ARL15: variants seen among roughly 807,000 people sequenced by gnomAD.
The protein encoded by ARL15 is ARF like GTPase 15.
Under a neutral mutation model 25.2 loss-of-function variants are expected in ARL15, and 19 were observed. The ratio of observed to expected loss-of-function variants is 0.75; its 90% CI spans 0.53 to 1.10. ARL15 has a LOEUF of 1.10. ARL15 is among the 50% of genes least tolerant of loss of function. The pLI, the probability that ARL15 is intolerant of heterozygous loss-of-function variation, is 0.00. For synonymous variants in ARL15, 94 were observed against 86.8 expected, an observed-to-expected ratio of 1.08 and a Z score of -0.46; for missense variants, 220 against 246.0, an observed-to-expected ratio of 0.89 and a Z score of 0.71.
intron 4 of ARL15, among the ~76,000 whole-genome samples, chr5:53,998,096 C>T (rs1748738569): frequency 6.6e-6 from 1 of 152,072 alleles, no homozygotes; most frequent in South Asian, 2.1e-4. Context: ...ACTTAACCTC[C>T]TCATGCCTCA....
chr5:54,159,436 C>T (rs970823563), intron 2 of ARL15, among the ~76,000 whole-genome samples: 2 of 152,318 alleles, frequency 1.3e-5, no homozygotes, highest in Admixed American at 6.5e-5. Context: ...TCACCAGCCA[C>T]ATTTTTGTCT....
intron 4 of ARL15, among the ~76,000 whole-genome samples, chr5:54,066,515 T>G (rs551855085): frequency 6.6e-6 from 1 of 152,140 alleles, no homozygotes; most frequent in Non-Finnish European, 1.5e-5. Context: ...GAAAGAAGAC[T>G]GACAGGGACA....
chr5:54,025,754 T>C lies in ARL15; in HGVS notation c.462+87448A>G, dbSNP rs138681288. Among the ~76,000 whole-genome samples the C allele has an allele frequency of 3.3e-5, 5 of 152,290 alleles. No individual in the cohort carries two copies. In the East Asian group the frequency reaches 9.6e-4, roughly 29 times the overall value. On this transcript the variant is annotated intron_variant, in intron 4 of 4. Coordinates refer to ENST00000504924, the MANE Select transcript of ARL15 (RefSeq NM_019087.3). ...GGGATAAATTGACCAGGAAGGGATT[T>C]TGAATATTTTATGCTACTAGAGCAT... is the stretch of plus-strand genomic sequence containing the variant.
At chr5:54,069,308 C>G (rs985484881) in intron 4 of ARL15, among the ~76,000 whole-genome samples, 1 of 152,108 alleles carries the variant, frequency 6.6e-6, no homozygotes, top group Non-Finnish European at 1.5e-5. Flanking sequence ...CAGTGGCTCA[C>G]GCCTATAATC....
At chr5:53,962,679 T>G (rs1198098854) in intron 4 of ARL15, among the ~76,000 whole-genome samples, 1 of 152,264 alleles carries the variant, frequency 6.6e-6, no homozygotes, top group Non-Finnish European at 1.5e-5. Context: ...CATAGTAGTG[T>G]TCTAGTTAAA....
intron 1 of ARL15, 78 bp from the exon 2 acceptor site, chr5:54,172,006 A>G (rs1171255546): frequency 2.0e-5 from 30 of 1,517,792 alleles, no homozygotes; most frequent in Non-Finnish European, 2.6e-5. Context: ...AAAATGACTG[A>G]GTAAGTATTA....
intron 4 of ARL15, among the ~76,000 whole-genome samples, chr5:54,063,824 G>A (rs1751136625): frequency 6.6e-6 from 1 of 152,104 alleles, no homozygotes; most frequent in Non-Finnish European, 1.5e-5. Context: ...AATTTGGGAG[G>A]TGTTTAAAGC....
intron 4 of ARL15, among the ~76,000 whole-genome samples, chr5:54,007,507 A>G (rs981705849): frequency 2.0e-5 from 3 of 152,118 alleles, no homozygotes; most frequent in Admixed American, 6.5e-5. Context: ...TTTATCTTTA[A>G]ATTTTAAAAG....
At chr5:54,120,546 T>C (rs1156650834) in intron 3 of ARL15, among the ~76,000 whole-genome samples, 1 of 152,186 alleles carries the variant, frequency 6.6e-6, no homozygotes, top group Non-Finnish European at 1.5e-5. Flanking sequence ...GAAAAAGCTG[T>C]GGGAACAGTT....
chr5:54,109,860 C>A (rs1752690812), intron 4 of ARL15, among the ~76,000 whole-genome samples: 2 of 151,916 alleles, frequency 1.3e-5, no homozygotes. Flanking sequence ...ATACAACAAA[C>A]ATCTGTTGCA....
intron 1 of ARL15, among the ~76,000 whole-genome samples, chr5:54,174,958 C>T (rs1164569899): frequency 1.3e-5 from 2 of 152,318 alleles, no homozygotes; most frequent in African/African-American, 4.8e-5. Context: ...AGATCCCATT[C>T]CTGCCCTAGA....
chr5:54,268,431 A>C (rs1198018185), intron 1 of ARL15, among the ~76,000 whole-genome samples: 1 of 152,152 alleles, frequency 6.6e-6, no homozygotes, highest in Non-Finnish European at 1.5e-5. Context: ...TGTAGCTCGG[A>C]GTAGTTTGAT....
intron 4 of ARL15, among the ~76,000 whole-genome samples, chr5:53,890,969 G>C (rs767213462): frequency 6.6e-6 from 1 of 152,102 alleles, no homozygotes; most frequent in Non-Finnish European, 1.5e-5. Flanking sequence ...GATCTCTAAC[G>C]GGGCAGTGAT....
At chr5:54,022,700 C>A (rs1749645996) in intron 4 of ARL15, among the ~76,000 whole-genome samples, 1 of 152,174 alleles carries the variant, frequency 6.6e-6, no homozygotes, top group Non-Finnish European at 1.5e-5. Context: ...AAGCTTCCAC[C>A]ATCAGGCCCT....
At chr5:54,075,228 T>C (rs1751558677) in intron 4 of ARL15, among the ~76,000 whole-genome samples, 2 of 152,052 alleles carry the variant, frequency 1.3e-5, no homozygotes, top group South Asian at 2.1e-4. Flanking sequence ...GGACAATAAA[T>C]ATAGGGGGTT....
Position 54,068,082 on chromosome 5 carries a change from G to A in ARL15, c.462+45120C>T, listed in dbSNP as rs1375889286. Among the ~76,000 whole-genome samples, 4 of 152,164 alleles carry A rather than the reference G, an allele frequency of 2.6e-5. No individual in the cohort carries two copies. The East Asian group carries it at 7.7e-4, about 29-fold the overall frequency. On this transcript the variant is annotated intron_variant, in intron 4 of 4. Coordinates refer to ENST00000504924, the MANE Select transcript of ARL15 (RefSeq NM_019087.3). ...TCTTCAATAAAGAGCTGGAGGATAA[G>A]AAAATAATGGTTCCAAGAACTTGCC... is the stretch of plus-strand genomic sequence containing the variant.
chr5:54,038,509 C>T (rs1005184827), intron 4 of ARL15, among the ~76,000 whole-genome samples: 4 of 151,876 alleles, frequency 2.6e-5, no homozygotes, highest in Non-Finnish European at 5.9e-5. Context: ...CATCAAAACT[C>T]AAGTGTAAAC....
At chr5:53,976,813 G>T (rs116087601) in intron 4 of ARL15, among the ~76,000 whole-genome samples, 1 of 152,016 alleles carries the variant, frequency 6.6e-6, no homozygotes, top group Admixed American at 6.6e-5. Flanking sequence ...TGTGAGTATC[G>T]CTTAGTCCTG....
intron 4 of ARL15, among the ~76,000 whole-genome samples, chr5:54,061,665 A>G (rs1287443478): frequency 1.3e-5 from 2 of 152,212 alleles, no homozygotes; most frequent in African/African-American, 4.8e-5. Context: ...TAGATTTGAG[A>G]GGATGTATGG....
Sources: gnomAD v4.1 joint callset for allele counts (sites outside exome capture counted in the v4.1 genomes callset) on GRCh38, gnomAD v4.1.1 for gene constraint, MANE v1.5 for transcripts, NCBI Gene and HGNC (gene_info 2026-07-23, HGNC 2026-07-21) for gene names.